KLK11: variants seen among roughly 807,000 people sequenced by gnomAD.
KLK11 encodes kallikrein-11.
Under a neutral mutation model 23.4 loss-of-function variants are expected in KLK11, and 10 were observed. The observed-to-expected ratio is 0.43, with a 90% CI of 0.26 to 0.73. The LOEUF is 0.73. Among genes scored for constraint, KLK11 ranks in the 30% least tolerant of loss-of-function variants. The pLI, the probability that KLK11 is intolerant of heterozygous loss-of-function variation, is 0.22. For missense variants in KLK11, 285 were observed against 327.8 expected (o/e 0.87, Z 1.01); for synonymous variants, 131 against 131.7 (o/e 0.99, Z 0.03).
chr19:51,024,348 CG>C lies in KLK11; in HGVS notation c.198-39del, dbSNP rs758592782. ...AGACAGTAGTTGGAGGAGGAAAGGT[CG>C]GGGGAGACATGGGTGGGAGAGGTGA... On this transcript the variant is annotated intron_variant, in intron 3 of 5. Transcript: ENST00000453757. This position sits in a 1 kb window ranked among gnomAD's most constrained non-coding sequence, Gnocchi z 6.2. 31 of 1,600,958 alleles carry C rather than the reference CG, an allele frequency of 1.9e-5. No individual in the cohort carries two copies. Among genetic ancestry groups the C allele is most frequent in the South Asian group, 1.8e-4 (16 of 90,726 alleles).
upstream of KLK11, chr19:51,027,148 G>T: frequency 2.9e-6 from 1 of 344,006 alleles, no homozygotes; most frequent in South Asian, 6.7e-5. Flanking sequence ...TCCCGTCCCA[G>T]CCACTCCCTC....
In KLK11 at chr19:51,022,580, C is replaced by A; in HGVS notation, c.718G>T (p.Val240Leu). ...TTCATCGTCTCCTGGATCCAGTCCA[C>A]ATATTTGCAGACTTTCGTGTAGACA... ...PGVYTKVCKYVDWIQETMKNN is the reference protein window; with the variant it reads ...PGVYTKVCKYLDWIQETMKNN Residue 240 changes from valine to leucine, a missense_variant, in exon 6 of 6, where the codon GTG becomes TTG. Val to Leu is a conservative substitution (Grantham distance 32). Coordinates refer to ENST00000453757, the MANE Select transcript of KLK11 (RefSeq NM_001136032.3). 1.2e-6 allele frequency: 2 copies of A among 1,614,100 alleles called. No individual in the cohort carries two copies. The highest frequency in any genetic ancestry group is 1.7e-6 in the Non-Finnish European group (2 of 1,180,030).
upstream of KLK11, chr19:51,027,597 C>T (rs1248116745): frequency 2.6e-6 from 4 of 1,553,530 alleles, no homozygotes; most frequent in East Asian, 4.5e-5. Flanking sequence ...CTTTCCTCCC[C>T]TCTCTCCCCT....
chr19:51,027,439 G>C, upstream of KLK11: 1 of 1,613,298 alleles, frequency 6.2e-7, no homozygotes. Flanking sequence ...GGCAGCCCGA[G>C]TCCAGCTGTT....
At position 51,022,415 on chromosome 19, in the gene KLK11, T is replaced by C. The variant is rs1173456488; in HGVS notation, c.*130A>G. The C allele has an allele frequency of 9.7e-7, 1 of 1,030,294 alleles. No individual in the cohort carries two copies. Among genetic ancestry groups the C allele is most frequent in the Non-Finnish European group, 1.5e-6 (1 of 673,346 alleles). The allele number at this position is 1,030,294 out of a possible 1,614,324, so 63.8% of individuals were successfully genotyped here. A position where few individuals can be genotyped will look rare whatever the true frequency, so the allele number is the denominator to read the frequency against. On this transcript the variant is annotated 3_prime_UTR_variant, in exon 6 of 6. Transcript: ENST00000453757. ...AGGTTGATTATTAAGTGACAGCATC[T>C]CCTGTAGTCCAGGAGGCCCAAAGAA...
intron 1 of KLK11, among the ~76,000 whole-genome samples, chr19:51,026,048 T>C (rs571012865): frequency 6.6e-6 from 1 of 152,136 alleles, no homozygotes; most frequent in South Asian, 2.1e-4. Flanking sequence ...CCCCAGCAGC[T>C]TGGGGTGGAA....
rs760771931 is a variant in KLK11, at chr19:51,024,705, G to A, written c.130C>T (p.Arg44Trp). ...ATGAGCGTCGCCCCACAGAGTAGCC[G>A]CGTCTTCTCGAACAGGGCTGCCTGC... ...PWQAALFEKT[R>W]LLCGATLIAP... Residue 44 changes from arginine to tryptophan, a missense_variant, in exon 3 of 6, where the codon CGG (arginine) becomes TGG (tryptophan). Arg to Trp is a moderately radical substitution (Grantham distance 101). Transcript: ENST00000453757. This position sits in a 1 kb window ranked among gnomAD's most constrained non-coding sequence, Gnocchi z 6.2. 44 of 1,600,664 alleles carry A rather than the reference G, an allele frequency of 2.7e-5. No individual in the cohort carries two copies. Among genetic ancestry groups the A allele is most frequent in the Non-Finnish European group, 3.3e-5 (39 of 1,175,952 alleles).
intron 4 of KLK11, 93 bp downstream of exon 4, chr19:51,023,952 T>C: frequency 9.2e-7 from 1 of 1,086,214 alleles, no homozygotes; most frequent in Non-Finnish European, 1.3e-6. Flanking sequence ...ACATCGTCAC[T>C]GTGAACCGCA....
chr19:51,024,600 G>T lies in KLK11; in HGVS notation c.197+38C>A. The T allele has an allele frequency of 2.1e-6, 3 of 1,415,776 alleles. No individual in the cohort carries two copies. Among genetic ancestry groups the T allele is most frequent in the African/African-American group, 1.5e-5 (1 of 68,830 alleles). The allele number at this position is 1,415,776 out of a possible 1,614,324, so 87.7% of individuals were successfully genotyped here. Reference sequence around the variant, plus strand: ...CTCTCCATCCATCTCCCCATTCCCAGCCCCCCACCCCGGCACCGCCCCAGC... The same window carrying T: ...CTCTCCATCCATCTCCCCATTCCCATCCCCCCACCCCGGCACCGCCCCAGC... On this transcript the variant is annotated intron_variant, in intron 3 of 5. Coordinates refer to ENST00000453757, the MANE Select transcript of KLK11 (RefSeq NM_001136032.3). This position sits in a 1 kb window ranked among gnomAD's most constrained non-coding sequence, Gnocchi z 6.2.
At position 51,024,200 on chromosome 19, in the gene KLK11, G is replaced by A. The variant is rs780309230; in HGVS notation, c.308C>T (p.Pro103Leu). Residue 103 changes from proline to leucine, a missense_variant, in exon 4 of 6, where the codon CCC (proline) becomes CTC (leucine). Pro to Leu is a moderately conservative substitution (Grantham distance 98). Transcript: ENST00000453757. This position sits in a 1 kb window ranked among gnomAD's most constrained non-coding sequence, Gnocchi z 6.2. ...FPHPGFNNSL[P>L]NKDHRNDIML... The stretch of plus-strand genomic sequence containing the variant: ...GATGTCATTGCGGTGGTCTTTGTTG[G>A]GGAGGCTGTTGTTGAAGCCGGGGTG... 1.9e-6 allele frequency: 3 copies of A among 1,613,890 alleles called. No homozygotes were observed. In the African/African-American group the frequency reaches 4.0e-5, roughly 22 times the overall value.
rs1301079391 is a variant in KLK11 at position 51,025,927 on chromosome 19, G to A, written c.-35-261C>T. On this transcript the variant is annotated intron_variant, in intron 1 of 5. Coordinates refer to ENST00000453757, the MANE Select transcript of KLK11 (RefSeq NM_001136032.3). This position sits in a 1 kb window ranked among gnomAD's most constrained non-coding sequence, Gnocchi z 6.2. ...ACCAAGAACCATGTGGAAGTCGTTG[G>A]GAGGGGCTTTGAGCTGTCAAGCCAT... 9.4e-6 allele frequency: 3 copies of A among 320,508 alleles called. No individual in the cohort carries two copies. The highest frequency in any genetic ancestry group is 6.4e-5 in the African/African-American group (3 of 46,616). The allele number at this position is 320,508 out of a possible 1,614,324, so 19.9% of individuals were successfully genotyped here. A position where few individuals can be genotyped will look rare whatever the true frequency, so the allele number is the denominator to read the frequency against.
chr19:51,025,948 G>A lies in KLK11; in HGVS notation c.-35-282C>T. 1 of 293,824 alleles carries A rather than the reference G, an allele frequency of 3.4e-6. No homozygotes were observed. The highest frequency in any genetic ancestry group is 6.3e-6 in the Non-Finnish European group (1 of 158,688). The allele number at this position is 293,824 out of a possible 1,614,324, so 18.2% of individuals were successfully genotyped here. A position where few individuals can be genotyped will look rare whatever the true frequency, so the allele number is the denominator to read the frequency against. ...GTTGGGAGGGGCTTTGAGCTGTCAAGCCATGGTTCGGCCCTGTTCAAGTCA... is the reference window on the plus strand; with the variant it reads ...GTTGGGAGGGGCTTTGAGCTGTCAAACCATGGTTCGGCCCTGTTCAAGTCA... On this transcript the variant is annotated intron_variant, in intron 1 of 5. Transcript: ENST00000453757. This position sits in a 1 kb window ranked among gnomAD's most constrained non-coding sequence, Gnocchi z 6.2.
In KLK11 at chr19:51,024,619, C is replaced by A; in HGVS notation, c.197+19G>T. On this transcript the variant is annotated intron_variant, in intron 3 of 5. Coordinates refer to ENST00000453757, the MANE Select transcript of KLK11 (RefSeq NM_001136032.3). This position sits in a 1 kb window ranked among gnomAD's most constrained non-coding sequence, Gnocchi z 6.2. ...TTCCCAGCCCCCCACCCCGGCACCG[C>A]CCCAGCCCCCGCACCCACGGCTTGA... 6.6e-7 allele frequency: 1 copy of A among 1,508,104 alleles called. No homozygotes were observed. Among genetic ancestry groups the A allele is most frequent in the Non-Finnish European group, 8.9e-7 (1 of 1,128,312 alleles). 93.4% of individuals were successfully genotyped at this position (1,508,104 alleles called of 1,614,324 possible).
Position 51,024,265 on chromosome 19 carries a change from C to T in KLK11, c.243G>A (p.Glu81=), listed in dbSNP as rs758568653. ...HLGQHNLQKE[E]GCEQTRTATE... ...TGGCTGTCCGGGTCTGCTCACAGCC[C>T]TCCTCCTTCTGGAGGTTGTGCTGCC... Residue 81 remains glutamate (E), a synonymous_variant, in exon 4 of 6, where the codon GAG becomes GAA. Coordinates refer to ENST00000453757, the MANE Select transcript of KLK11 (RefSeq NM_001136032.3). This position sits in a 1 kb window ranked among gnomAD's most constrained non-coding sequence, Gnocchi z 6.2. 1 of 1,614,112 alleles carries T rather than the reference C, an allele frequency of 6.2e-7. No individual in the cohort carries two copies. Among genetic ancestry groups the T allele is most frequent in the East Asian group, 2.2e-5 (1 of 44,880 alleles).
rs140954965 is a variant in KLK11 at position 51,024,248 on chromosome 19, C to T, written c.260G>A (p.Arg87Gln). Residue 87 changes from arginine to glutamine, a missense_variant, in exon 4 of 6, where the codon CGG (arginine) becomes CAG (glutamine). Arg to Gln is a conservative substitution (Grantham distance 43). Coordinates refer to ENST00000453757, the MANE Select transcript of KLK11 (RefSeq NM_001136032.3). The surrounding 1 kb of genome is among the most constrained non-coding windows in gnomAD (Gnocchi z 6.2). ...LQKEEGCEQTRTATESFPHPG... is the reference protein window; with the variant it reads ...LQKEEGCEQTQTATESFPHPG... ...GTGGGGGAAGGACTCAGTGGCTGTC[C>T]GGGTCTGCTCACAGCCCTCCTCCTT... 8.6e-5 allele frequency: 138 copies of T among 1,614,022 alleles called. No homozygotes were observed. Among genetic ancestry groups the T allele is most frequent in the East Asian group, 3.6e-4 (16 of 44,866 alleles).
upstream of KLK11, chr19:51,027,507 A>G: frequency 6.2e-7 from 1 of 1,613,972 alleles, no homozygotes; most frequent in Non-Finnish European, 8.5e-7. Context: ...CAGCCACCTC[A>G]ACCTCTGCAT....
Position 51,023,092 on chromosome 19 carries a change from C to A in KLK11, c.600G>T (p.Gln200His), listed in dbSNP as rs777451822. 6.2e-7 allele frequency: 1 copy of A among 1,605,084 alleles called. No homozygotes were observed. The highest frequency in any genetic ancestry group is 2.2e-5 in the East Asian group (1 of 44,484). The change falls in exon 5 of 6, where the codon CAG (glutamine) becomes CAT (histidine). Residue 200 changes from glutamine (Q) to histidine (H), a missense_variant and splice_region_variant. Gln to His is a conservative substitution (Grantham distance 24, BLOSUM62 0). Coordinates refer to ENST00000453757, the MANE Select transcript of KLK11 (RefSeq NM_001136032.3). ...GGCTGTGGTTGGAGACCACACTGAC[C>A]TGGCAGGAGTCCTTGCCCCCTTCCT... is the stretch of plus-strand genomic sequence containing the variant. ...SVQEGGKDSC[Q>H]GDSGGPLVCN...
chr19:51,024,879 G>C lies in KLK11; in HGVS notation c.41-85C>G. The stretch of plus-strand genomic sequence containing the variant: ...CTCCCAGAAATGGGGGTGGGGAGGA[G>C]AGAAAGAGAGTGGGTGGTCTGGGCC... On this transcript the variant is annotated intron_variant, in intron 2 of 5. Transcript: ENST00000453757. This position sits in a 1 kb window ranked among gnomAD's most constrained non-coding sequence, Gnocchi z 6.2. The C allele has an allele frequency of 7.6e-7, 1 of 1,318,058 alleles. No individual in the cohort carries two copies. Among genetic ancestry groups the C allele is most frequent in the Non-Finnish European group, 1.0e-6 (1 of 989,952 alleles). 81.6% of individuals were successfully genotyped at this position (1,318,058 alleles called of 1,614,324 possible). A position where few individuals can be genotyped will look rare whatever the true frequency, so the allele number is the denominator to read the frequency against.
chr19:51,023,342 C>G, intron 4 of KLK11, 114 bp from the exon 5 acceptor site: 1 of 1,200,290 alleles, frequency 8.3e-7, no homozygotes, highest in Non-Finnish European at 1.2e-6. Flanking sequence ...GCAGCCAACT[C>G]ACCTCTCTTC....
Sources: gnomAD v4.1 joint callset for allele counts (sites outside exome capture counted in the v4.1 genomes callset) on GRCh38, gnomAD v4.1.1 for gene constraint, Gnocchi (gnomAD v3.1) non-coding constraint, MANE v1.5 for transcripts, NCBI Gene and HGNC (gene_info 2026-07-23, HGNC 2026-07-21) for gene names.